QKI: variants seen among roughly 807,000 people sequenced by gnomAD.
QKI encodes KH domain-containing RNA-binding protein QKI.
A neutral mutation model predicts 39.0 loss-of-function variants in QKI; 10 were observed. That is an observed-to-expected ratio of 0.26 (90% CI 0.16 to 0.43). The LOEUF (loss-of-function observed/expected upper bound fraction) is 0.43. QKI is among the 20% of genes least tolerant of loss of function. The pLI is 1.00. For missense variants in QKI, 218 were observed against 428.0 expected, an observed-to-expected ratio of 0.51 and a Z score of 4.33; for synonymous variants, 204 against 155.4, an observed-to-expected ratio of 1.31 and a Z score of -2.33.
chr6:163,457,438 T>C, intron 2 of QKI: 1 of 455,980 alleles, frequency 2.2e-6, no homozygotes, highest in Admixed American at 2.3e-5. Flanking sequence ...GAGCATGGCA[T>C]TTGTCTTGAT....
In QKI at chr6:163,574,734, A is replaced by G. The variant is rs577945413; in HGVS notation, c.*4024A>G. ...CTCAAGGTGCATTTTTATTTCACAG[A>G]TTGATACTTGCTTTTTTCTGTGAAA... On this transcript the variant is annotated 3_prime_UTR_variant, in exon 8 of 8. Transcript: ENST00000361752. 2.0e-5 allele frequency: 3 copies of G among 152,308 alleles called. No homozygotes were observed. The highest frequency in any genetic ancestry group is 3.9e-4 in the East Asian group (2 of 5,188). The allele number at this position is 152,308 out of a possible 1,614,324, so 9.4% of individuals were successfully genotyped here.
In QKI at chr6:163,420,974, A is replaced by G. The variant is rs542294214; in HGVS notation, c.142+5639A>G. On this transcript the variant is annotated intron_variant, in intron 1 of 7. Coordinates refer to ENST00000361752, the MANE Select transcript of QKI (RefSeq NM_006775.3). ...GAAGGTGCCTACCTTAGAGCCTGGC[A>G]TACACTTCTCAGATGTTTGTTGAAT... Among the ~76,000 whole-genome samples, 8 of 152,294 alleles carry G rather than the reference A, an allele frequency of 5.3e-5. No individual in the cohort carries two copies. The East Asian group carries it at 7.7e-4, about 15-fold the overall frequency.
At chr6:163,563,089 G>GT (rs1783131860) in intron 5 of QKI, among the ~76,000 whole-genome samples, 1 of 152,164 alleles carries the variant, frequency 6.6e-6, no homozygotes, top group Non-Finnish European at 1.5e-5. Context: ...TAATGCAAGT[G>GT]TTTCATTGTG....
At chr6:163,428,431 TTAAAA>T (rs2128210042) in intron 1 of QKI, among the ~76,000 whole-genome samples, 2 of 152,322 alleles carry the variant, frequency 1.3e-5, no homozygotes, top group East Asian at 3.9e-4. Flanking sequence ...TTTCTGTTTA[TTAAAA>T]TAAATCAGAA....
At chr6:163,416,104 C>T (rs1787461949) in intron 1 of QKI, among the ~76,000 whole-genome samples, 1 of 150,736 alleles carries the variant, frequency 6.6e-6, no homozygotes, top group Admixed American at 6.6e-5. Context: ...GATCGGAGCG[C>T]AGCCTGAGTT....
intron 4 of QKI, among the ~76,000 whole-genome samples, chr6:163,550,972 G>T (rs1782201104): frequency 6.7e-6 from 1 of 148,670 alleles, no homozygotes; most frequent in South Asian, 2.1e-4. Flanking sequence ...AGCTGCTTCT[G>T]TTGGAGGACA....
intron 3 of QKI, among the ~76,000 whole-genome samples, chr6:163,503,635 C>A (rs1452027532): frequency 6.6e-6 from 1 of 152,076 alleles, no homozygotes; most frequent in Non-Finnish European, 1.5e-5. Context: ...GTTATAAATT[C>A]TTTCCCAAGG....
At chr6:163,431,770 A>G (rs111406187) in intron 1 of QKI, among the ~76,000 whole-genome samples, 60 of 148,558 alleles carry the variant, frequency 4.0e-4, no homozygotes, top group African/African-American at 1.4e-3. Flanking sequence ...GTAGAATAGC[A>G]TTTTATTTGG....
chr6:163,572,454 C>T lies in QKI; in HGVS notation c.*1744C>T, dbSNP rs1783745667. On this transcript the variant is annotated 3_prime_UTR_variant, in exon 8 of 8. Coordinates refer to ENST00000361752, the MANE Select transcript of QKI (RefSeq NM_006775.3). ...TTTACTGTTTCAATAACCTCTGCCT[C>T]CCCCACCCCTTAACTTTAAAAGAAT... The T allele has an allele frequency of 6.6e-6, 1 of 152,054 alleles. No homozygotes were observed. The highest frequency in any genetic ancestry group is 6.6e-5 in the Admixed American group (1 of 15,242). The allele number at this position is 152,054 out of a possible 1,614,324, so 9.4% of individuals were successfully genotyped here.
At chr6:163,430,094 G>C (rs1249762842) in intron 1 of QKI, among the ~76,000 whole-genome samples, 1 of 152,098 alleles carries the variant, frequency 6.6e-6, no homozygotes, top group Admixed American at 6.5e-5. Context: ...CTAGACACAG[G>C]GAACGGTGTT....
chr6:163,480,545 A>G (rs1792997955), intron 3 of QKI, among the ~76,000 whole-genome samples: 1 of 152,140 alleles, frequency 6.6e-6, no homozygotes, highest in African/African-American at 2.4e-5. Context: ...AAGTTCTCAT[A>G]ATATTGATTA....
intron 3 of QKI, among the ~76,000 whole-genome samples, chr6:163,491,008 T>C (rs1006348490): frequency 6.6e-5 from 10 of 152,190 alleles, no homozygotes; most frequent in African/African-American, 1.7e-4. Context: ...TAGCTAAAAG[T>C]TTATTGCCTA....
chr6:163,521,080 G>C lies in QKI; in HGVS notation c.403-13902G>C, dbSNP rs181062511. On this transcript the variant is annotated intron_variant, in intron 3 of 7. Transcript: ENST00000361752. ...TGTGTGAAATACACGTTAATACTTT[G>C]GAATTTAAGTGAAGAAAGAACTCCA... Among the ~76,000 whole-genome samples, 85 of 151,996 alleles carry C rather than the reference G, an allele frequency of 5.6e-4. 1 individual carries two copies. The highest frequency in any genetic ancestry group is 1.0e-3 in the Non-Finnish European group (71 of 67,964).
At chr6:163,474,787 T>TTAA (rs560022374) in intron 2 of QKI, among the ~76,000 whole-genome samples, 1 of 108,640 alleles carries the variant, frequency 9.2e-6, no homozygotes, top group Non-Finnish European at 1.8e-5. Flanking sequence ...ACAAAAAAGT[T>TTAA]AAAAAAAAAA....
intron 1 of QKI, among the ~76,000 whole-genome samples, chr6:163,430,073 G>A (rs977912199): frequency 3.9e-5 from 6 of 152,132 alleles, no homozygotes; most frequent in Admixed American, 3.3e-4. Flanking sequence ...AACAGGTAAG[G>A]GAGTGGCGTT....
At chr6:163,481,081 G>A (rs1196500119) in intron 3 of QKI, among the ~76,000 whole-genome samples, 1 of 152,078 alleles carries the variant, frequency 6.6e-6, no homozygotes, top group African/African-American at 2.4e-5. Context: ...GGAATGCTTG[G>A]CCATTTGGTA....
At chr6:163,491,342 A>G (rs976237257) in intron 3 of QKI, among the ~76,000 whole-genome samples, 1 of 152,184 alleles carries the variant, frequency 6.6e-6, no homozygotes, top group Admixed American at 6.5e-5. Context: ...TGATTTCTGT[A>G]CTTGTAGGCT....
chr6:163,539,226 T>A (rs1318289847), intron 4 of QKI, among the ~76,000 whole-genome samples: 1 of 152,132 alleles, frequency 6.6e-6, no homozygotes, highest in African/African-American at 2.4e-5. Context: ...GTCCTGGAAG[T>A]CATGCTTAGA....
intron 3 of QKI, among the ~76,000 whole-genome samples, chr6:163,500,325 G>T (rs1433537435): frequency 6.6e-6 from 1 of 152,036 alleles, no homozygotes. Context: ...GAAGGAAGGG[G>T]ATTCATTAGT....
Sources: allele counts gnomAD v4.1 joint callset (sites outside exome capture counted in the v4.1 genomes callset), GRCh38; gene constraint gnomAD v4.1.1; transcripts MANE v1.5; gene names NCBI Gene and HGNC (gene_info 2026-07-23, HGNC 2026-07-21).